Variants in TLE1 observed in about 807,000 individuals in gnomAD.
TLE1 encodes the protein transducin-like enhancer protein 1.
TLE1 carries 21 observed loss-of-function variants against 89.8 expected under a neutral mutation model. The observed-to-expected ratio is 0.23, with a 90% CI of 0.17 to 0.34. The LOEUF is 0.34. Among genes scored for constraint, TLE1 ranks in the 10% least tolerant of loss-of-function variants. The probability of loss-of-function intolerance (pLI) is 1.00; values close to 1 mark genes in which losing one functional copy is unlikely to be tolerated. For synonymous variants in TLE1, 447 were observed against 407.6 expected (o/e 1.10, Z -1.16); for missense variants, 795 against 1,031.2 (o/e 0.77, Z 3.14).
chr9:81,685,728 G>A lies in TLE1; in HGVS notation c.190-8C>T, dbSNP rs186173945. 3,982 of 1,612,716 alleles carry A rather than the reference G, an allele frequency of 2.5e-3. 3 individuals carry two copies. Among genetic ancestry groups the A allele is most frequent in the Non-Finnish European group, 3.0e-3 (3,593 of 1,179,186 alleles). On this transcript the variant is annotated splice_region_variant and splice_polypyrimidine_tract_variant and intron_variant, in intron 3 of 19. Transcript: ENST00000376499. ...ATATGACATTTCATAATACTGTAAA[G>A]AGAAAAAAGAATCAAGCATTTCATT...
At chr9:81,650,905 C>T (rs1829451704) in intron 6 of TLE1, among the ~76,000 whole-genome samples, 1 of 152,182 alleles carries the variant, frequency 6.6e-6, no homozygotes, top group African/African-American at 2.4e-5. Flanking sequence ...ACCTAATTGA[C>T]TGCCAATAGC....
In TLE1 at chr9:81,652,707, G is replaced by A. The variant is rs7860218; in HGVS notation, c.298-419C>T. 6.7e-3 allele frequency among the ~76,000 whole-genome samples: 1,019 copies of A among 152,282 alleles called. 15 individuals carry two copies. The highest frequency in any genetic ancestry group is 0.021 in the African/African-American group (867 of 41,556). ...CTCATGCCTGTAATCCCAGCACTTT[G>A]GGAGGCCAAGACAGGGTGAGCCCAG... On this transcript the variant is annotated intron_variant, in intron 5 of 19. Transcript: ENST00000376499.
intron 14 of TLE1, among the ~76,000 whole-genome samples, chr9:81,609,346 A>C (rs1823410353): frequency 6.6e-6 from 1 of 152,120 alleles, no homozygotes; most frequent in Non-Finnish European, 1.5e-5. Flanking sequence ...CAGCCTCCCA[A>C]AGTGCTAGGA....
In TLE1 at chr9:81,598,364, C is replaced by G. The variant is rs1036068536; in HGVS notation, c.1332-5090G>C. On this transcript the variant is annotated intron_variant, in intron 14 of 19. Coordinates refer to ENST00000376499, the MANE Select transcript of TLE1 (RefSeq NM_005077.5). ...CTCCCAAGTACACGCCGCTTCCTCCCTCCCTCTGCCTGCCACGAACTCCCC... is the reference window on the plus strand; with the variant it reads ...CTCCCAAGTACACGCCGCTTCCTCCGTCCCTCTGCCTGCCACGAACTCCCC... 2.6e-5 allele frequency among the ~76,000 whole-genome samples: 4 copies of G among 152,168 alleles called. No homozygotes were observed. In the East Asian group the frequency reaches 7.7e-4, roughly 29 times the overall value.
chr9:81,685,939 C>T, intron 2 of TLE1, 43 bp from the exon 3 acceptor site: 1 of 1,601,848 alleles, frequency 6.2e-7, no homozygotes, highest in South Asian at 1.1e-5. Flanking sequence ...CATTATGTCA[C>T]TTGTTTTAAC....
At chr9:81,684,126 A>G (rs1181206266) in intron 4 of TLE1, among the ~76,000 whole-genome samples, 1 of 152,078 alleles carries the variant, frequency 6.6e-6, no homozygotes, top group African/African-American at 2.4e-5. Context: ...TTATCCAAAA[A>G]AAAGTGCCCT....
chr9:81,666,690 G>A (rs1166445193), intron 4 of TLE1, among the ~76,000 whole-genome samples: 5 of 151,848 alleles, frequency 3.3e-5, no homozygotes, highest in African/African-American at 7.3e-5. Flanking sequence ...CAGGAGAATC[G>A]CTTGAACCCG....
At chr9:81,633,317 G>A (rs1367436250) in intron 8 of TLE1, 31 bp downstream of exon 8, 2 of 1,454,034 alleles carry the variant, frequency 1.4e-6, no homozygotes, top group Non-Finnish European at 1.8e-6. Context: ...GTGTGTGTGT[G>A]TGTGTGTGCA....
At chr9:81,665,034 GA>G (rs1831288496) in intron 4 of TLE1, among the ~76,000 whole-genome samples, 1 of 152,156 alleles carries the variant, frequency 6.6e-6, no homozygotes, top group Non-Finnish European at 1.5e-5. Flanking sequence ...GGTCCCCTGG[GA>G]GAACAGACTA....
intron 11 of TLE1, among the ~76,000 whole-genome samples, chr9:81,614,120 G>C (rs1824095352): frequency 6.6e-6 from 1 of 151,936 alleles, no homozygotes; most frequent in Non-Finnish European, 1.5e-5. Context: ...ATGTTAGCCA[G>C]GATGGTCTCG....
intron 4 of TLE1, among the ~76,000 whole-genome samples, chr9:81,656,634 T>G (rs1830179864): frequency 6.6e-6 from 1 of 152,198 alleles, no homozygotes; most frequent in Admixed American, 6.5e-5. Context: ...AGACACATTT[T>G]AATACCAAGG....
chr9:81,684,538 A>C lies in TLE1; in HGVS notation c.234+1138T>G, dbSNP rs555944525. On this transcript the variant is annotated intron_variant, in intron 4 of 19. Transcript: ENST00000376499. Reference sequence around the variant, plus strand: ...CAAAAGCAGAATTCAACTCTGAAACACACTTGCTTAATGAAAGTCTTTGAA... The same window carrying C: ...CAAAAGCAGAATTCAACTCTGAAACCCACTTGCTTAATGAAAGTCTTTGAA... Among the ~76,000 whole-genome samples the C allele has an allele frequency of 2.0e-5, 3 of 152,328 alleles. No individual in the cohort carries two copies. In the East Asian group the frequency reaches 5.8e-4, roughly 29 times the overall value.
intron 4 of TLE1, among the ~76,000 whole-genome samples, chr9:81,685,196 C>CA (rs79223669): frequency 0.13 from 19,137 of 152,120 alleles, 1,800 homozygotes; most frequent in East Asian, 0.49. Flanking sequence ...ACTATTGCTT[C>CA]ATGCAGCCCC....
chr9:81,685,598 C>G, intron 4 of TLE1, 78 bp downstream of exon 4: 1 of 1,475,758 alleles, frequency 6.8e-7, no homozygotes, highest in Non-Finnish European at 9.3e-7. Context: ...CTAGAGCCCA[C>G]TACTGAGAAC....
intron 2 of TLE1, 44 bp downstream of exon 2, chr9:81,687,290 C>G (rs752554163): frequency 1.9e-6 from 3 of 1,548,622 alleles, no homozygotes; most frequent in African/African-American, 1.4e-5. Context: ...GCAAGGGGCA[C>G]CGGGACGCCC....
chr9:81,586,162 C>T (rs1399486459), intron 17 of TLE1, among the ~76,000 whole-genome samples: 1 of 151,932 alleles, frequency 6.6e-6, no homozygotes, highest in Non-Finnish European at 1.5e-5. Flanking sequence ...GGACTACAGG[C>T]GCCCACCACC....
At chr9:81,662,443 C>G (rs1830935776) in intron 4 of TLE1, among the ~76,000 whole-genome samples, 1 of 149,262 alleles carries the variant, frequency 6.7e-6, no homozygotes, top group South Asian at 2.1e-4. Flanking sequence ...GCCTGTAATC[C>G]CAACACTTTG....
At chr9:81,668,842 GAACAATTT>G (rs1831840847) in intron 4 of TLE1, among the ~76,000 whole-genome samples, 1 of 152,128 alleles carries the variant, frequency 6.6e-6, no homozygotes, top group South Asian at 2.1e-4. Flanking sequence ...ATGGAAACAA[GAACAATTT>G]ATAAACCAGG....
chr9:81,655,874 A>G (rs1478993554), intron 4 of TLE1, among the ~76,000 whole-genome samples: 1 of 151,476 alleles, frequency 6.6e-6, no homozygotes, highest in Non-Finnish European at 1.5e-5. Flanking sequence ...AAAAAAGAAA[A>G]GAAAAGAACA....
Sources: gnomAD v4.1 joint callset for allele counts (sites outside exome capture counted in the v4.1 genomes callset) on GRCh38, gnomAD v4.1.1 for gene constraint, MANE v1.5 for transcripts, NCBI Gene and HGNC (gene_info 2026-07-23, HGNC 2026-07-21) for gene names.